The following NEMP2 variants were observed in gnomAD, a reference collection of about 807,000 sequenced individuals.
The protein encoded by NEMP2 is UPF0571 transmembrane protein.
A neutral mutation model predicts 54.2 loss-of-function variants in NEMP2; 53 were observed. That is an observed-to-expected ratio of 0.98 (90% CI 0.78 to 1.23). The LOEUF (loss-of-function observed/expected upper bound fraction) is 1.23, where lower values mean the gene tolerates loss of function less well. NEMP2 is among the 50% of genes most tolerant of loss of function. The pLI, the probability that NEMP2 is intolerant of heterozygous loss-of-function variation, is 0.00. For missense variants in NEMP2, 455 were observed against 511.3 expected (o/e 0.89, Z 1.06); for synonymous variants, 197 against 190.3 (o/e 1.04, Z -0.29).
the NEMP2 span, among the ~76,000 whole-genome samples, chr2:190,444,570 A>G: frequency 1.3e-5 from 2 of 152,222 alleles, no homozygotes; most frequent in Admixed American, 6.5e-5. Flanking sequence ...TTATGGTTCC[A>G]TCGAAGTCAT....
chr2:190,627,310 A>AT, the NEMP2 span, among the ~76,000 whole-genome samples: 1 of 152,262 alleles, frequency 6.6e-6, no homozygotes. This position sits in a 1 kb window ranked among gnomAD's most constrained non-coding sequence, Gnocchi z 4.4. Flanking sequence ...TCTATTTATC[A>AT]TAACAACCCC....
chr2:190,508,331 C>T lies in NEMP2; in HGVS notation c.*858G>A, dbSNP rs1237268455. 1.3e-5 allele frequency: 2 copies of T among 152,172 alleles called. No individual in the cohort carries two copies. The highest frequency in any genetic ancestry group is 2.9e-5 in the Non-Finnish European group (2 of 68,030). The allele number at this position is 152,172 out of a possible 1,614,324, so 9.4% of individuals were successfully genotyped here. A position where few individuals can be genotyped will look rare whatever the true frequency, so the allele number is the denominator to read the frequency against. Reference sequence around the variant, plus strand: ...TATTGAAAAATAAAAAGTAAAGCCACCAACATTGTGAGGCCCATGGCTGTA... The same window carrying T: ...TATTGAAAAATAAAAAGTAAAGCCATCAACATTGTGAGGCCCATGGCTGTA... On this transcript the variant is annotated 3_prime_UTR_variant, in exon 9 of 9. Transcript: ENST00000409150. The surrounding 1 kb of genome is among the most constrained non-coding windows in gnomAD (Gnocchi z 4.3).
the NEMP2 span, among the ~76,000 whole-genome samples, chr2:190,619,990 C>T: frequency 6.6e-6 from 1 of 152,106 alleles, no homozygotes; most frequent in African/African-American, 2.4e-5. This position sits in a 1 kb window ranked among gnomAD's most constrained non-coding sequence, Gnocchi z 5.5. Flanking sequence ...CTTAAAGGTA[C>T]CACTTAGCAC....
At chr2:190,590,574 G>A in the NEMP2 span, among the ~76,000 whole-genome samples, 10 of 152,072 alleles carry the variant, frequency 6.6e-5, no homozygotes, top group African/African-American at 1.2e-4. The surrounding 1 kb of genome is among the most constrained non-coding windows in gnomAD (Gnocchi z 5.1). Flanking sequence ...TAAGACAATT[G>A]ATCATTCAAT....
At chr2:190,438,215 T>TTA in the NEMP2 span, among the ~76,000 whole-genome samples, 1 of 148,912 alleles carries the variant, frequency 6.7e-6, no homozygotes. This position sits in a 1 kb window ranked among gnomAD's most constrained non-coding sequence, Gnocchi z 5.2. Flanking sequence ...CTTTTAGTTA[T>TTA]AAAAAAAAAA....
At chr2:190,502,578 G>A (rs1311504416), downstream of NEMP2, among the ~76,000 whole-genome samples, 2 of 152,206 alleles carry the variant, frequency 1.3e-5, no homozygotes, top group Non-Finnish European at 2.9e-5. The surrounding 1 kb of genome is among the most constrained non-coding windows in gnomAD (Gnocchi z 4.4). Context: ...AAAGTGTTAA[G>A]GAATTCACAG....
At chr2:190,536,985 A>G (rs996063811), upstream of NEMP2, among the ~76,000 whole-genome samples, 2 of 152,214 alleles carry the variant, frequency 1.3e-5, no homozygotes, top group African/African-American at 4.8e-5. Context: ...CATTTGATCA[A>G]AAATTAAAAG....
In NEMP2 at chr2:190,512,568, A is replaced by G. The variant is rs1213869998; in HGVS notation, c.953+1885T>C. 1.3e-5 allele frequency among the ~76,000 whole-genome samples: 2 copies of G among 152,238 alleles called. No individual in the cohort carries two copies. Among genetic ancestry groups the G allele is most frequent in the Non-Finnish European group, 2.9e-5 (2 of 68,038 alleles). ...GAAGTTATAGTACATTTTGATTATT[A>G]TAGAACACAGCTAGTGCACAAAAGA... On this transcript the variant is annotated intron_variant, in intron 7 of 8. Coordinates refer to ENST00000409150, the MANE Select transcript of NEMP2 (RefSeq NM_001142645.2). The surrounding 1 kb of genome is among the most constrained non-coding windows in gnomAD (Gnocchi z 4.5).
the NEMP2 span, among the ~76,000 whole-genome samples, chr2:190,558,549 T>A: frequency 6.6e-6 from 1 of 152,256 alleles, no homozygotes; most frequent in East Asian, 1.9e-4. This position sits in a 1 kb window ranked among gnomAD's most constrained non-coding sequence, Gnocchi z 4.4. Flanking sequence ...TATTTTGCAC[T>A]ACTTGCCAGC....
chr2:190,438,364 AAGTT>A, the NEMP2 span, among the ~76,000 whole-genome samples: 1 of 152,102 alleles, frequency 6.6e-6, no homozygotes, highest in Non-Finnish European at 1.5e-5. The surrounding 1 kb of genome is among the most constrained non-coding windows in gnomAD (Gnocchi z 5.2). Flanking sequence ...AAAAATACAA[AAGTT>A]AGCCGGGCAT....
At chr2:190,596,532 G>A in the NEMP2 span, among the ~76,000 whole-genome samples, 1 of 152,188 alleles carries the variant, frequency 6.6e-6, no homozygotes, top group Non-Finnish European at 1.5e-5. The surrounding 1 kb of genome is among the most constrained non-coding windows in gnomAD (Gnocchi z 5.1). Flanking sequence ...CCTCTGCAGA[G>A]CAGGGGAAAA....
the NEMP2 span, among the ~76,000 whole-genome samples, chr2:190,453,295 G>A: frequency 2.6e-5 from 4 of 152,084 alleles, no homozygotes; most frequent in Non-Finnish European, 5.9e-5. Context: ...GTGGGCTCTG[G>A]GTAGGGGAAG....
At chr2:190,588,933 C>T in the NEMP2 span, among the ~76,000 whole-genome samples, 2 of 152,142 alleles carry the variant, frequency 1.3e-5, no homozygotes, top group African/African-American at 4.8e-5. This position sits in a 1 kb window ranked among gnomAD's most constrained non-coding sequence, Gnocchi z 5.0. Flanking sequence ...CAAGGAAAAA[C>T]TGCTCTCTTT....
chr2:190,555,537 A>G, the NEMP2 span, among the ~76,000 whole-genome samples: 6 of 152,024 alleles, frequency 3.9e-5, no homozygotes, highest in South Asian at 1.0e-3. This position sits in a 1 kb window ranked among gnomAD's most constrained non-coding sequence, Gnocchi z 4.8. Context: ...ATAAGTATCA[A>G]TAGCCAAATT....
the NEMP2 span, among the ~76,000 whole-genome samples, chr2:190,474,243 C>CA: frequency 2.6e-5 from 4 of 152,034 alleles, no homozygotes; most frequent in Non-Finnish European, 4.4e-5. Flanking sequence ...AATAGAGACA[C>CA]AAAAAACCCT....
the NEMP2 span, among the ~76,000 whole-genome samples, chr2:190,587,953 A>C: frequency 6.6e-6 from 1 of 152,170 alleles, no homozygotes. The surrounding 1 kb of genome is among the most constrained non-coding windows in gnomAD (Gnocchi z 5.4). Context: ...ATCTACACTG[A>C]GCATGAAAGG....
At chr2:190,546,235 A>G in the NEMP2 span, among the ~76,000 whole-genome samples, 1 of 152,164 alleles carries the variant, frequency 6.6e-6, no homozygotes, top group Admixed American at 6.5e-5. This position sits in a 1 kb window ranked among gnomAD's most constrained non-coding sequence, Gnocchi z 5.1. Context: ...TTTAAAAAAG[A>G]AAAGATGGCT....
the NEMP2 span, among the ~76,000 whole-genome samples, chr2:190,582,227 A>G: frequency 1.3e-5 from 2 of 152,216 alleles, no homozygotes; most frequent in Non-Finnish European, 2.9e-5. The surrounding 1 kb of genome is among the most constrained non-coding windows in gnomAD (Gnocchi z 4.6). Flanking sequence ...TATCTCTATA[A>G]GAGGCTTCAG....
the NEMP2 span, among the ~76,000 whole-genome samples, chr2:190,485,984 A>G: frequency 6.6e-6 from 1 of 152,156 alleles, no homozygotes; most frequent in East Asian, 1.9e-4. The surrounding 1 kb of genome is among the most constrained non-coding windows in gnomAD (Gnocchi z 5.1). Flanking sequence ...TTATTATGCC[A>G]GATATTGTGA....
Sources: allele counts gnomAD v4.1 joint callset (sites outside exome capture counted in the v4.1 genomes callset), GRCh38; gene constraint gnomAD v4.1.1; non-coding constraint Gnocchi (gnomAD v3.1); transcripts MANE v1.5; gene names NCBI Gene and HGNC (gene_info 2026-07-23, HGNC 2026-07-21).